The following TPST1 variants were observed in gnomAD, a reference collection of about 807,000 sequenced individuals.
TPST1 encodes tyrosylprotein sulfotransferase 1.
TPST1 carries 20 observed loss-of-function variants against 34.8 expected under a neutral mutation model. The ratio of observed to expected loss-of-function variants is 0.57; its 90% CI spans 0.40 to 0.84. TPST1 has a LOEUF of 0.84. Ranked by LOEUF, TPST1 falls within the 40% of genes least tolerant of loss-of-function variation. The pLI is 0.00. For synonymous variants in TPST1, 152 were observed against 159.4 expected (o/e 0.95, Z 0.35); for missense variants, 353 against 455.5 (o/e 0.78, Z 2.05).
intron 1 of TPST1, among the ~76,000 whole-genome samples, chr7:66,216,274 A>ATTG (rs753904769): frequency 6.6e-6 from 1 of 151,712 alleles, no homozygotes; most frequent in Non-Finnish European, 1.5e-5. Flanking sequence ...TCTCCTTTTC[A>ATTG]TTACTGATTT....
rs916748170 is a variant in TPST1 at position 66,352,487 on chromosome 7, C to G, written c.1045-18C>G. ...CTGGACCTGTTGCCTTAAACTCACG[C>G]CTGCTTTGTTTTTCCAGGTCTATAA... On this transcript the variant is annotated intron_variant, in intron 3 of 5. Transcript: ENST00000304842. 2.5e-6 allele frequency: 4 copies of G among 1,610,474 alleles called. No homozygotes were observed. Among genetic ancestry groups the G allele is most frequent in the African/African-American group, 1.3e-5 (1 of 74,640 alleles).
At chr7:66,296,710 G>A (rs1458740613) in intron 3 of TPST1, among the ~76,000 whole-genome samples, 1 of 104,974 alleles carries the variant, frequency 9.5e-6, no homozygotes, top group Admixed American at 1.2e-4. Context: ...TACAATTCTG[G>A]GTAGTCTGCA....
intron 2 of TPST1, among the ~76,000 whole-genome samples, chr7:66,281,357 A>G (rs549323462): frequency 5.3e-5 from 8 of 152,192 alleles, no homozygotes; most frequent in Non-Finnish European, 1.2e-4. Flanking sequence ...TAAGTTGGCA[A>G]GGAGTCCCTC....
intron 2 of TPST1, among the ~76,000 whole-genome samples, chr7:66,267,444 T>TA (rs555947240): frequency 2.5e-3 from 359 of 143,354 alleles, no homozygotes; most frequent in East Asian, 3.6e-3. Flanking sequence ...TTGTAGGCCA[T>TA]AAAAAAAAAA....
At chr7:66,214,435 A>G (rs886139738) in intron 1 of TPST1, among the ~76,000 whole-genome samples, 5 of 151,580 alleles carry the variant, frequency 3.3e-5, no homozygotes, top group Non-Finnish European at 5.9e-5. Flanking sequence ...ATTTATAAAT[A>G]GTGAGCTGCA....
intron 5 of TPST1, among the ~76,000 whole-genome samples, chr7:66,357,218 T>G (rs1792599531): frequency 6.6e-6 from 1 of 152,184 alleles, no homozygotes; most frequent in Non-Finnish European, 1.5e-5. Flanking sequence ...ACTCCCTGTT[T>G]ACTGATAAGG....
In TPST1 at chr7:66,235,960, A is replaced by G. The variant is rs550536060; in HGVS notation, c.-101-4365A>G. Among the ~76,000 whole-genome samples the G allele has an allele frequency of 7.2e-5, 11 of 152,210 alleles. No individual in the cohort carries two copies. The East Asian group carries it at 1.4e-3, about 19-fold the overall frequency. On this transcript the variant is annotated intron_variant, in intron 1 of 5. Transcript: ENST00000304842. The stretch of plus-strand genomic sequence containing the variant: ...AAAGGAGGCAATCATATATGCATCT[A>G]TCTGTCTGACTGAGACTGATACCTG...
chr7:66,206,307 A>G (rs1789130738), intron 1 of TPST1, among the ~76,000 whole-genome samples: 1 of 152,014 alleles, frequency 6.6e-6, no homozygotes. Context: ...GCTGCACCCC[A>G]TAACATGTAA....
chr7:66,267,861 A>G (rs1244362955), intron 2 of TPST1, among the ~76,000 whole-genome samples: 1 of 152,218 alleles, frequency 6.6e-6, no homozygotes, highest in Non-Finnish European at 1.5e-5. Flanking sequence ...AGAAATGCAT[A>G]CACATATTGT....
At chr7:66,267,346 G>T (rs1233012621) in intron 2 of TPST1, among the ~76,000 whole-genome samples, 1 of 152,072 alleles carries the variant, frequency 6.6e-6, no homozygotes, top group Non-Finnish European at 1.5e-5. Context: ...AACCAAATTG[G>T]TTCTGTTATT....
intron 1 of TPST1, among the ~76,000 whole-genome samples, chr7:66,238,408 C>CT (rs370723283): frequency 0.04 from 5,229 of 131,876 alleles, 144 homozygotes; most frequent in East Asian, 0.095. Context: ...ACAGCACTGG[C>CT]TTTTTTTTTT....
At chr7:66,350,099 C>T (rs542815594) in intron 3 of TPST1, among the ~76,000 whole-genome samples, 21 of 152,228 alleles carry the variant, frequency 1.4e-4, no homozygotes, top group South Asian at 4.2e-4. Flanking sequence ...CTGCAGCCTC[C>T]GCCTCCCAGG....
chr7:66,268,006 G>A (rs1790626066), intron 2 of TPST1, among the ~76,000 whole-genome samples: 1 of 151,616 alleles, frequency 6.6e-6, no homozygotes. Flanking sequence ...AGGCTGGAGT[G>A]CAGTGGTACA....
chr7:66,320,449 A>G (rs192437935), intron 3 of TPST1, among the ~76,000 whole-genome samples: 2,927 of 150,762 alleles, frequency 0.019, 65 homozygotes, highest in East Asian at 0.093. Flanking sequence ...GGGTTTCACC[A>G]TGTTAGCCAG....
intron 2 of TPST1, among the ~76,000 whole-genome samples, chr7:66,281,481 T>G (rs1396566656): frequency 6.6e-6 from 1 of 152,164 alleles, no homozygotes; most frequent in African/African-American, 2.4e-5. Context: ...GTTGGTAGGT[T>G]TTTTAGTACT....
intron 1 of TPST1, among the ~76,000 whole-genome samples, chr7:66,235,287 G>A (rs1245838616): frequency 2.7e-5 from 4 of 150,114 alleles, no homozygotes; most frequent in South Asian, 2.1e-4. Context: ...CCGGGTTCAC[G>A]TCACGCCATT....
Position 66,241,196 on chromosome 7 carries a change from C to G in TPST1, c.771C>G (p.Leu257=), listed in dbSNP as rs545872152. Residue 257 remains leucine (L), a synonymous_variant, in exon 2 of 6, where the codon CTC becomes CTG. Transcript: ENST00000304842. ...ERWMRTLLKF[L]QIPWNHSVLH... Reference sequence around the variant, plus strand: ...GGATGAGAACACTCTTAAAGTTCCTCCAGATTCCATGGAACCACTCAGTAT... The same window carrying G: ...GGATGAGAACACTCTTAAAGTTCCTGCAGATTCCATGGAACCACTCAGTAT... 3.1e-6 allele frequency: 5 copies of G among 1,614,020 alleles called. No homozygotes were observed. The highest frequency in any genetic ancestry group is 4.2e-6 in the Non-Finnish European group (5 of 1,180,024).
At chr7:66,273,952 G>A (rs1790754223) in intron 2 of TPST1, among the ~76,000 whole-genome samples, 1 of 151,954 alleles carries the variant, frequency 6.6e-6, no homozygotes. Flanking sequence ...GCAGGCATGT[G>A]CCACCATGCC....
chr7:66,232,200 A>AT (rs1216330608), intron 1 of TPST1, among the ~76,000 whole-genome samples: 2,606 of 127,656 alleles, frequency 0.02, 66 homozygotes, highest in African/African-American at 0.04. Context: ...TATTAAAAAA[A>AT]ATTTTTTTTT....
Sources: gnomAD v4.1 joint callset for allele counts (sites outside exome capture counted in the v4.1 genomes callset) on GRCh38, gnomAD v4.1.1 for gene constraint, MANE v1.5 for transcripts, NCBI Gene and HGNC (gene_info 2026-07-23, HGNC 2026-07-21) for gene names.